IARS2: variants seen among roughly 807,000 people sequenced by gnomAD.
The protein encoded by IARS2 is isoleucine--tRNA ligase, mitochondrial.
In IARS2, 56 loss-of-function variants were observed where a neutral mutation model predicts 126.3. That is an observed-to-expected ratio of 0.44 (90% CI 0.36 to 0.55). The LOEUF (loss-of-function observed/expected upper bound fraction) is 0.55. Among genes scored for constraint, IARS2 ranks in the 20% least tolerant of loss-of-function variants. The pLI, the probability that IARS2 is intolerant of heterozygous loss-of-function variation, is 0.00. For synonymous variants in IARS2, 407 were observed against 441.1 expected, an observed-to-expected ratio of 0.92 and a Z score of 0.97; for missense variants, 1,127 against 1,245.9, an observed-to-expected ratio of 0.90 and a Z score of 1.44.
At chr1:220,097,729 T>C (rs1049573236) in intron 2 of IARS2, among the ~76,000 whole-genome samples, 1 of 152,214 alleles carries the variant, frequency 6.6e-6, no homozygotes, top group Non-Finnish European at 1.5e-5. Context: ...CACATCTATT[T>C]CTGAATCAGT....
chr1:220,137,989 C>G lies in IARS2; in HGVS notation c.2121C>G (p.Thr707=). 3.1e-6 allele frequency: 5 copies of G among 1,614,016 alleles called. No homozygotes were observed. The South Asian group carries it at 5.5e-5, about 18-fold the overall frequency. ...GGGTAGCTGATTCCAATGTCTTCAC[C>G]GAAGTTGCAATTGGCCCATCCGTGC... ...RWWVADSNVF[T]EVAIGPSVLN... The change falls in exon 17 of 23, where the codon ACC becomes ACG. Residue 707 remains threonine, a synonymous_variant. Transcript: ENST00000366922.
At chr1:220,094,544 G>C in intron 1 of IARS2, 61 bp downstream of exon 1, 9 of 1,396,592 alleles carry the variant, frequency 6.4e-6, no homozygotes, top group Non-Finnish European at 8.6e-6. Flanking sequence ...CGGGCACCGG[G>C]CGCTCGCAGG....
rs142067804 is a variant in IARS2, at chr1:220,134,507, A to G, written c.1943A>G (p.Tyr648Cys). The change falls in exon 15 of 23, where the codon TAT (tyrosine) becomes TGT (cysteine). Residue 648 changes from tyrosine (Y) to cysteine (C), a missense_variant. By Grantham distance (194) the Tyr-to-Cys change is radical. Coordinates refer to ENST00000366922, the MANE Select transcript of IARS2 (RefSeq NM_018060.4). ...GTGGCAGCAAGGAAGAGAGCACCTT[A>G]TAAGTAAGTATTTATGCCTGAACCA... ...TSVAARKRAP[Y>C]KTVIVHGFTL... 404 of 1,605,866 alleles carry G rather than the reference A, an allele frequency of 2.5e-4. 1 individual carries two copies. The highest frequency in any genetic ancestry group is 3.3e-4 in the African/African-American group (25 of 74,636).
intron 1 of IARS2, 73 bp downstream of exon 1, chr1:220,094,556 G>A (rs1656396805): frequency 3.1e-6 from 4 of 1,307,364 alleles, no homozygotes; most frequent in African/African-American, 3.0e-5. Context: ...GCTCGCAGGC[G>A]CCACACCTCT....
chr1:220,100,927 CT>C (rs1558119210), intron 3 of IARS2, among the ~76,000 whole-genome samples: 1 of 152,020 alleles, frequency 6.6e-6, no homozygotes, highest in East Asian at 1.9e-4. Flanking sequence ...TTGGTAAATT[CT>C]TTTTTCTGCT....
intron 14 of IARS2, among the ~76,000 whole-genome samples, chr1:220,131,920 C>T (rs757241100): frequency 4.0e-5 from 6 of 151,752 alleles, no homozygotes; most frequent in Non-Finnish European, 7.4e-5. Flanking sequence ...GCCTCAGCCT[C>T]CCGAGTAGCT....
intron 14 of IARS2, among the ~76,000 whole-genome samples, chr1:220,131,237 C>T (rs899151913): frequency 2.6e-5 from 4 of 152,044 alleles, no homozygotes; most frequent in Non-Finnish European, 1.5e-5. Flanking sequence ...AGTGCAGTGG[C>T]ACAGTCTCGG....
intron 22 of IARS2, among the ~76,000 whole-genome samples, chr1:220,146,254 T>C (rs1045201118): frequency 1.3e-4 from 20 of 152,130 alleles, no homozygotes; most frequent in Non-Finnish European, 1.5e-5. Context: ...CGGTGGCTCA[T>C]GCCTGTAATC....
intron 14 of IARS2, among the ~76,000 whole-genome samples, chr1:220,131,646 C>G (rs1011457245): frequency 1.3e-5 from 2 of 152,008 alleles, no homozygotes; most frequent in Non-Finnish European, 2.9e-5. Flanking sequence ...GCCACTCTGC[C>G]CAGCAATTTT....
At chr1:220,138,956 T>C in intron 17 of IARS2, 52 bp from the exon 18 acceptor site, 1 of 1,523,802 alleles carries the variant, frequency 6.6e-7, no homozygotes, top group Non-Finnish European at 9.0e-7. Flanking sequence ...CAGTGAAAAT[T>C]GAAGGCACCA....
intron 10 of IARS2, among the ~76,000 whole-genome samples, chr1:220,108,750 C>T (rs538923472): frequency 1.3e-5 from 2 of 151,770 alleles, no homozygotes; most frequent in Admixed American, 6.6e-5. Context: ...AACTCCCAGC[C>T]CCAAGTGATC....
chr1:220,142,225 A>G (rs1229932908), intron 20 of IARS2, among the ~76,000 whole-genome samples: 1 of 152,210 alleles, frequency 6.6e-6, no homozygotes, highest in Non-Finnish European at 1.5e-5. Flanking sequence ...AATGGCTGGC[A>G]TGGTGGCTCA....
At chr1:220,139,886 T>A (rs1317771494) in intron 18 of IARS2, among the ~76,000 whole-genome samples, 2 of 152,228 alleles carry the variant, frequency 1.3e-5, no homozygotes, top group Non-Finnish European at 2.9e-5. Flanking sequence ...AATGAATTGT[T>A]GGTGACGTCC....
At chr1:220,141,266 A>T (rs1308656043) in intron 19 of IARS2, among the ~76,000 whole-genome samples, 1 of 152,176 alleles carries the variant, frequency 6.6e-6, no homozygotes, top group Non-Finnish European at 1.5e-5. Flanking sequence ...GAAGAGAGAG[A>T]TATATATGTG....
intron 21 of IARS2, 40 bp from the exon 22 acceptor site, chr1:220,145,469 A>C (rs1378293901): frequency 6.4e-7 from 1 of 1,563,018 alleles, no homozygotes; most frequent in Non-Finnish European, 8.7e-7. Context: ...TTATGGTACA[A>C]ATTTAACATA....
chr1:220,122,393 C>G (rs1161139116), intron 12 of IARS2, among the ~76,000 whole-genome samples: 1 of 152,206 alleles, frequency 6.6e-6, no homozygotes, highest in Non-Finnish European at 1.5e-5. Flanking sequence ...AGTCTTCACT[C>G]TATGCCTGGG....
At chr1:220,140,326 C>A in intron 19 of IARS2, 37 bp downstream of exon 19, 2 of 1,279,060 alleles carry the variant, frequency 1.6e-6, no homozygotes, top group African/African-American at 1.5e-5. Flanking sequence ...TTAACAATGG[C>A]CAGGTGTGGT....
chr1:220,102,435 T>G, intron 5 of IARS2, 23 bp downstream of exon 5: 1 of 1,612,712 alleles, frequency 6.2e-7, no homozygotes, highest in Non-Finnish European at 8.5e-7. Flanking sequence ...TTTTCGGTAA[T>G]TAAAAGGGAG....
In IARS2 at chr1:220,139,002, G is replaced by A. The variant is rs1177018560; in HGVS notation, c.2176-6G>A. The A allele has an allele frequency of 6.2e-7, 1 of 1,604,188 alleles. No individual in the cohort carries two copies. The highest frequency in any genetic ancestry group is 8.5e-7 in the Non-Finnish European group (1 of 1,177,242). Reference sequence around the variant, plus strand: ...TTAACTGCATATTTTTTCTTCCTATGAATAGCTTAGGAATACACTTCGCTT... The same window carrying A: ...TTAACTGCATATTTTTTCTTCCTATAAATAGCTTAGGAATACACTTCGCTT... On this transcript the variant is annotated splice_region_variant and splice_polypyrimidine_tract_variant and intron_variant, in intron 17 of 22. Transcript: ENST00000366922.
Sources: allele counts gnomAD v4.1 joint callset (sites outside exome capture counted in the v4.1 genomes callset), GRCh38; gene constraint gnomAD v4.1.1; transcripts MANE v1.5; gene names NCBI Gene and HGNC (gene_info 2026-07-23, HGNC 2026-07-21).